The following NCKAP5 variants were observed in gnomAD, a reference collection of about 807,000 sequenced individuals.
The protein encoded by NCKAP5 is NCK associated protein 5, also known as nck-associated protein 5.
NCKAP5 carries 92 observed loss-of-function variants against 167.0 expected under a neutral mutation model. That is an observed-to-expected ratio of 0.55 (90% CI 0.47 to 0.66). The LOEUF is 0.66. Among genes scored for constraint, NCKAP5 ranks in the 30% least tolerant of loss-of-function variants. The pLI is 0.00. For synonymous variants in NCKAP5, 891 were observed against 877.4 expected (o/e 1.02, Z -0.27); for missense variants, 2,378 against 2,315.0 (o/e 1.03, Z -0.56).
intron 3 of NCKAP5, among the ~76,000 whole-genome samples, chr2:133,478,273 T>TATTTCTAATACCTATTCCTGAC (rs1460827007): frequency 6.6e-6 from 1 of 152,220 alleles, no homozygotes; most frequent in Non-Finnish European, 1.5e-5. Context: ...ATATTACTGA[T>TATTTCTAATACCTATTCCTGAC]ATTTCTAATA....
rs144698429 is a variant in NCKAP5, at chr2:133,538,897, GT to G, written c.-62+20152del. 2.9e-3 allele frequency among the ~76,000 whole-genome samples: 353 copies of G among 123,078 alleles called. 3 individuals are homozygous for G. The highest frequency in any genetic ancestry group is 3.6e-3 in the Non-Finnish European group (208 of 58,472). The allele number at this position is 123,078 out of a possible 152,430, so 80.7% of individuals were successfully genotyped here. ...CTCAGCTTCATCTGAGATGTACCTA[GT>G]TTTTTTTTGGTTTTTTTTTGTGGTT... On this transcript the variant is annotated intron_variant, in intron 2 of 19. Coordinates refer to ENST00000409261, the MANE Select transcript of NCKAP5 (RefSeq NM_207363.3).
At position 132,994,253 on chromosome 2, in the gene NCKAP5, A is replaced by T. The variant is rs1431864429; in HGVS notation, c.342-14T>A. On this transcript the variant is annotated splice_polypyrimidine_tract_variant and intron_variant, in intron 6 of 19. Transcript: ENST00000409261. ...GTTTCTTCCATCCTGAGAAACAAAAATATTAAGAATTTCTTAAAGAAGGTT... is the reference window on the plus strand; with the variant it reads ...GTTTCTTCCATCCTGAGAAACAAAATTATTAAGAATTTCTTAAAGAAGGTT... The T allele has an allele frequency of 9.1e-6, 14 of 1,542,296 alleles. No individual in the cohort carries two copies. In the Admixed American group the frequency reaches 2.6e-4, roughly 28 times the overall value.
At position 133,335,891 on chromosome 2, in the gene NCKAP5, A is replaced by C. The variant is rs946132722; in HGVS notation, c.70-32781T>G. The stretch of plus-strand genomic sequence containing the variant: ...AATTGGGACATAAATTTTATAAACA[A>C]AATGAATGGCTAGTCAGGCTTCCTA... On this transcript the variant is annotated intron_variant, in intron 3 of 19. Coordinates refer to ENST00000409261, the MANE Select transcript of NCKAP5 (RefSeq NM_207363.3). Among the ~76,000 whole-genome samples, 89 of 152,316 alleles carry C rather than the reference A, an allele frequency of 5.8e-4. 1 individual carries two copies. Among genetic ancestry groups the C allele is most frequent in the African/African-American group, 1.8e-3 (75 of 41,574 alleles).
chr2:133,570,850 G>A (rs151017702), upstream of NCKAP5, among the ~76,000 whole-genome samples: 86 of 152,308 alleles, frequency 5.6e-4, no homozygotes, highest in African/African-American at 2.0e-3. Context: ...CCCACAATGA[G>A]TCTGCAGAGC....
At chr2:133,147,138 A>G (rs2083227013) in intron 5 of NCKAP5, among the ~76,000 whole-genome samples, 1 of 152,184 alleles carries the variant, frequency 6.6e-6, no homozygotes. Flanking sequence ...GACAAACACT[A>G]TTCTGGTTGT....
intron 5 of NCKAP5, among the ~76,000 whole-genome samples, chr2:133,168,663 A>C (rs766358663): frequency 3.3e-5 from 5 of 152,148 alleles, no homozygotes; most frequent in Non-Finnish European, 7.3e-5. Context: ...CTAGAAGCTA[A>C]GACCCCAAAA....
At chr2:133,037,325 TCCAGA>T (rs1342173769) in intron 6 of NCKAP5, among the ~76,000 whole-genome samples, 1 of 151,956 alleles carries the variant, frequency 6.6e-6, no homozygotes, top group African/African-American at 2.4e-5. Context: ...CCACAAAAGA[TCCAGA>T]ATAGCCAAAG....
intron 17 of NCKAP5, among the ~76,000 whole-genome samples, chr2:132,730,556 G>A (rs962228726): frequency 9.5e-4 from 144 of 152,182 alleles, no homozygotes; most frequent in African/African-American, 3.1e-3. Flanking sequence ...GATATTAGCA[G>A]CAACATCTGA....
chr2:133,394,249 C>A (rs960129989), intron 3 of NCKAP5, among the ~76,000 whole-genome samples: 1 of 152,166 alleles, frequency 6.6e-6, no homozygotes, highest in Non-Finnish European at 1.5e-5. Flanking sequence ...AGTCCTTGCC[C>A]TTGAAGTGTT....
chr2:132,759,818 C>G (rs1012145767), intron 16 of NCKAP5, among the ~76,000 whole-genome samples: 4 of 151,996 alleles, frequency 2.6e-5, no homozygotes, highest in Non-Finnish European at 5.9e-5. Context: ...TACAAATCCT[C>G]TATGTTCAGA....
chr2:132,806,773 A>G (rs919811103), intron 11 of NCKAP5, among the ~76,000 whole-genome samples: 1 of 152,118 alleles, frequency 6.6e-6, no homozygotes, highest in African/African-American at 2.4e-5. Flanking sequence ...CTTTAGTTTA[A>G]TTAGGTCCCA....
At chr2:133,380,506 AG>A (rs1254703122) in intron 3 of NCKAP5, among the ~76,000 whole-genome samples, 1 of 152,260 alleles carries the variant, frequency 6.6e-6, no homozygotes, top group Non-Finnish European at 1.5e-5. Context: ...GAAAAAAAGA[AG>A]CAAATCAGAT....
chr2:133,419,654 A>T (rs1689346235), intron 3 of NCKAP5, among the ~76,000 whole-genome samples: 1 of 152,168 alleles, frequency 6.6e-6, no homozygotes, highest in African/African-American at 2.4e-5. Flanking sequence ...CTCCATACTC[A>T]CACAGATGCT....
chr2:133,226,390 T>C (rs990078976), intron 4 of NCKAP5, among the ~76,000 whole-genome samples: 3 of 152,114 alleles, frequency 2.0e-5, no homozygotes, highest in Non-Finnish European at 4.4e-5. Flanking sequence ...GAGCATTCAG[T>C]CTCAGAAAAC....
intron 6 of NCKAP5, 51 bp from the exon 7 acceptor site, chr2:132,994,290 C>T (rs376479749): frequency 3.6e-5 from 46 of 1,295,248 alleles, no homozygotes; most frequent in African/African-American, 3.1e-4. Flanking sequence ...CTAATTAACA[C>T]GGATCCACTC....
chr2:132,681,075 G>T (rs1403140509), intron 19 of NCKAP5, among the ~76,000 whole-genome samples: 1 of 152,016 alleles, frequency 6.6e-6, no homozygotes, highest in Non-Finnish European at 1.5e-5. Context: ...ATTGCTATCA[G>T]CCTGTGTAAA....
In NCKAP5 at chr2:132,672,953, T is replaced by TGGAGGGGGGGGGGGGGGGGGGGGG; in HGVS notation, c.*335_*336insCCCCCCCCCCCCCCCCCCCCCTCC. The stretch of plus-strand genomic sequence containing the variant: ...GTTTATTGTTATCTCTATCAAGCGG[T>TGGAGGGGGGGGGGGGGGGGGGGGG]GCACCCCCCACCCCCCACCCATCAT... On this transcript the variant is annotated 3_prime_UTR_variant, in exon 20 of 20. Transcript: ENST00000409261. The TGGAGGGGGGGGGGGGGGGGGGGGG allele has an allele frequency of 1.5e-6, 1 of 672,086 alleles. No homozygotes were observed. Among genetic ancestry groups the TGGAGGGGGGGGGGGGGGGGGGGGG allele is most frequent in the Non-Finnish European group, 1.8e-6 (1 of 547,592 alleles). The allele number at this position is 672,086 out of a possible 1,614,324, so 41.6% of individuals were successfully genotyped here.
chr2:133,069,463 A>C (rs1168181787), intron 6 of NCKAP5, among the ~76,000 whole-genome samples: 3 of 152,066 alleles, frequency 2.0e-5, no homozygotes, highest in Admixed American at 2.0e-4. Context: ...TTCCCCTCTC[A>C]TTTTTCATTC....
At chr2:133,123,056 T>G (rs1441194157) in intron 6 of NCKAP5, 1 of 152,152 alleles carries the variant, frequency 6.6e-6, no homozygotes, top group African/African-American at 2.4e-5. Flanking sequence ...TAGTGCTCTT[T>G]GCAATGAAAT....
Sources: gnomAD v4.1 joint callset for allele counts (sites outside exome capture counted in the v4.1 genomes callset) on GRCh38, gnomAD v4.1.1 for gene constraint, MANE v1.5 for transcripts, NCBI Gene and HGNC (gene_info 2026-07-23, HGNC 2026-07-21) for gene names.